Variants in KANK1 observed in about 807,000 individuals in gnomAD.
The protein encoded by KANK1 is KN motif and ankyrin repeat domain-containing protein 1.
KANK1 carries 109 observed loss-of-function variants against 106.2 expected under a neutral mutation model. That is an observed-to-expected ratio of 1.03 (90% CI 0.88 to 1.20). The LOEUF is 1.20. Among genes scored for constraint, KANK1 ranks in the 50% most tolerant of loss-of-function variants. KANK1 has a pLI of 0.00. For missense variants in KANK1, 2,399 were observed against 1,710.7 expected (o/e 1.40, Z -7.10); for synonymous variants, 873 against 652.2 (o/e 1.34, Z -5.16).
At chr9:548,477 G>A (rs1465790865) in intron 1 of KANK1, among the ~76,000 whole-genome samples, 1 of 152,118 alleles carries the variant, frequency 6.6e-6, no homozygotes, top group Non-Finnish European at 1.5e-5. Flanking sequence ...TGCTTTCTGG[G>A]ATGACTTTAA....
At chr9:705,555 T>G (rs1823868120) in intron 2 of KANK1, among the ~76,000 whole-genome samples, 1 of 150,642 alleles carries the variant, frequency 6.6e-6, no homozygotes, top group African/African-American at 2.4e-5. Context: ...AATTGGTGTG[T>G]GGTTGGGAGA....
chr9:670,792 G>A (rs183615536), intron 1 of KANK1, among the ~76,000 whole-genome samples: 2 of 152,202 alleles, frequency 1.3e-5, no homozygotes. Flanking sequence ...TCCTGCCAAA[G>A]AAGCCAAGAT....
At chr9:524,448 G>A (rs1215309341) in intron 1 of KANK1, among the ~76,000 whole-genome samples, 1 of 151,678 alleles carries the variant, frequency 6.6e-6, no homozygotes, top group Non-Finnish European at 1.5e-5. Flanking sequence ...TTAGCTTACG[G>A]CTGGTTTTAT....
At chr9:579,868 C>T (rs1371458699) in intron 1 of KANK1, among the ~76,000 whole-genome samples, 3 of 152,152 alleles carry the variant, frequency 2.0e-5, no homozygotes, top group Admixed American at 6.5e-5. Context: ...AAACCTCAGG[C>T]CAGACAGTGA....
At chr9:503,312 G>C (rs1392732697), upstream of KANK1, among the ~76,000 whole-genome samples, 1 of 152,058 alleles carries the variant, frequency 6.6e-6, no homozygotes, top group Non-Finnish European at 1.5e-5. Context: ...AGACGAAAAA[G>C]CAAGGCCCAG....
chr9:656,035 C>T (rs1241399715), intron 1 of KANK1, among the ~76,000 whole-genome samples: 1 of 152,160 alleles, frequency 6.6e-6, no homozygotes, highest in Non-Finnish European at 1.5e-5. Context: ...TTTAGTAATG[C>T]CCCAGAGCCT....
intron 1 of KANK1, among the ~76,000 whole-genome samples, chr9:604,917 C>G (rs574343667): frequency 2.8e-4 from 43 of 152,012 alleles, no homozygotes; most frequent in Non-Finnish European, 4.0e-4. Context: ...ATAAATTGCT[C>G]AGTCTCAGGT....
intron 1 of KANK1, among the ~76,000 whole-genome samples, chr9:632,551 C>G (rs997215851): frequency 6.6e-6 from 1 of 152,118 alleles, no homozygotes; most frequent in Non-Finnish European, 1.5e-5. Flanking sequence ...CAACTTCTTT[C>G]AAATGCACCT....
At chr9:496,557 AAAAT>A (rs1253234107) in intron 3 of KANK1, among the ~76,000 whole-genome samples, 6 of 152,252 alleles carry the variant, frequency 3.9e-5, no homozygotes, top group African/African-American at 1.4e-4. Flanking sequence ...ACTCCATCTC[AAAAT>A]AAATAAATAC....
chr9:475,995 G>A (rs1346853423), intron 3 of KANK1, among the ~76,000 whole-genome samples: 1 of 151,838 alleles, frequency 6.6e-6, no homozygotes, highest in African/African-American at 2.4e-5. Flanking sequence ...TGGGATTACA[G>A]GTGCCTGCCA....
intron 3 of KANK1, chr9:487,632 T>C (rs1482844218): frequency 6.6e-6 from 1 of 152,216 alleles, no homozygotes; most frequent in South Asian, 2.1e-4. Flanking sequence ...TCTAATGCCA[T>C]TGTTAAAATC....
intron 1 of KANK1, among the ~76,000 whole-genome samples, chr9:636,487 C>G (rs546578794): frequency 1.3e-5 from 2 of 152,246 alleles, no homozygotes; most frequent in South Asian, 4.1e-4. Flanking sequence ...TTAAAGAGAT[C>G]ATGGAGGCTC....
At position 732,608 on chromosome 9, in the gene KANK1, T is replaced by A. The variant is rs754487560; in HGVS notation, c.3236T>A (p.Ile1079Asn). 15 of 1,613,888 alleles carry A rather than the reference T, an allele frequency of 9.3e-6. No homozygotes were observed. The highest frequency in any genetic ancestry group is 1.1e-5 in the Non-Finnish European group (13 of 1,179,930). The change falls in exon 6 of 12, where the codon ATC becomes AAC. Residue 1079 changes from isoleucine to asparagine, a missense_variant. Coordinates refer to ENST00000382297, the MANE Select transcript of KANK1 (RefSeq NM_015158.5). Reference sequence around the variant, plus strand: ...GAATGTGAACCTGAGAAGGTGGAAATCAGAGAGAGGTGTGGTACATTCCCC... The same window carrying A: ...GAATGTGAACCTGAGAAGGTGGAAAACAGAGAGAGGTGTGGTACATTCCCC... The part of the protein sequence containing the change: ...VQECEPEKVE[I>N]RERYELSEKM...
At chr9:639,035 C>T (rs112089596) in intron 1 of KANK1, among the ~76,000 whole-genome samples, 4 of 152,130 alleles carry the variant, frequency 2.6e-5, no homozygotes, top group African/African-American at 9.7e-5. Flanking sequence ...TAACAGAAAT[C>T]ACACCTCAGT....
At chr9:581,421 A>G (rs1398303443) in intron 1 of KANK1, among the ~76,000 whole-genome samples, 1 of 152,226 alleles carries the variant, frequency 6.6e-6, no homozygotes, top group Non-Finnish European at 1.5e-5. Flanking sequence ...TCTGTTTTAA[A>G]AGTGTCCTTT....
chr9:534,504 T>C (rs74576880), intron 1 of KANK1, among the ~76,000 whole-genome samples: 329 of 152,354 alleles, frequency 2.2e-3, no homozygotes, highest in African/African-American at 7.7e-3. Flanking sequence ...ATCTGGACCA[T>C]GTTGGCAGAC....
chr9:731,013 T>C (rs1832090390), intron 4 of KANK1, 145 bp from the exon 5 acceptor site: 2 of 462,566 alleles, frequency 4.3e-6, no homozygotes, highest in African/African-American at 4.1e-5. Context: ...TGCACACACT[T>C]TCCCATTGAA....
At chr9:719,127 AT>A (rs895962848) in intron 3 of KANK1, among the ~76,000 whole-genome samples, 5 of 150,952 alleles carry the variant, frequency 3.3e-5, no homozygotes, top group African/African-American at 7.3e-5. Context: ...GCCCGGCTAA[AT>A]TTTTTTTTAT....
At chr9:600,300 T>A (rs1827415651) in intron 1 of KANK1, among the ~76,000 whole-genome samples, 1 of 151,796 alleles carries the variant, frequency 6.6e-6, no homozygotes, top group African/African-American at 2.4e-5. Context: ...TGTCTTTTTG[T>A]GGCTGGCTTA....
Sources: allele counts gnomAD v4.1 joint callset (sites outside exome capture counted in the v4.1 genomes callset), GRCh38; gene constraint gnomAD v4.1.1; transcripts MANE v1.5; gene names NCBI Gene and HGNC (gene_info 2026-07-23, HGNC 2026-07-21).